The following ARID5B variants were observed in gnomAD, a reference collection of about 807,000 sequenced individuals.
The protein encoded by ARID5B is AT-rich interactive domain-containing protein 5B.
ARID5B carries 13 observed loss-of-function variants against 97.2 expected under a neutral mutation model. The ratio of observed to expected loss-of-function variants is 0.13; its 90% confidence interval spans 0.09 to 0.21. The LOEUF (loss-of-function observed/expected upper bound fraction) is 0.21, where lower values mean the gene tolerates loss of function less well. ARID5B is among the 10% of genes least tolerant of loss of function. The pLI is 1.00. For missense variants in ARID5B, 1,210 were observed against 1,465.3 expected (o/e 0.83, Z 2.84); for synonymous variants, 556 against 570.3 (o/e 0.97, Z 0.36).
At chr10:62,012,703 T>C (rs538611757) in intron 4 of ARID5B, among the ~76,000 whole-genome samples, 1 of 152,318 alleles carries the variant, frequency 6.6e-6, no homozygotes, top group African/African-American at 2.4e-5. Context: ...TTCCCTCCAG[T>C]CTTTTTCAAA....
intron 3 of ARID5B, among the ~76,000 whole-genome samples, chr10:61,940,953 A>G (rs1589227671): frequency 2.7e-4 from 2 of 7,390 alleles, no homozygotes; most frequent in African/African-American, 3.9e-4. Context: ...ATATATATAT[A>G]TATATATATA....
intron 2 of ARID5B, among the ~76,000 whole-genome samples, chr10:61,909,322 T>TG (rs1212435630): frequency 9.0e-4 from 122 of 134,826 alleles, no homozygotes; most frequent in Non-Finnish European, 1.2e-3. Context: ...CAGTGAGTTT[T>TG]TTTTTTTTTT....
chr10:61,930,644 C>T (rs980201973), intron 2 of ARID5B, among the ~76,000 whole-genome samples: 8 of 151,678 alleles, frequency 5.3e-5, no homozygotes, highest in Admixed American at 6.6e-5. Context: ...GGCGTGAACC[C>T]GGGAGGCAGA....
At chr10:62,087,392 T>G (rs569287108) in intron 9 of ARID5B, among the ~76,000 whole-genome samples, 1 of 151,584 alleles carries the variant, frequency 6.6e-6, no homozygotes, top group African/African-American at 2.4e-5. Flanking sequence ...TTATTATTTT[T>G]CATATTAACA....
chr10:62,048,625 T>TA (rs2132928040), intron 4 of ARID5B, among the ~76,000 whole-genome samples: 1 of 152,130 alleles, frequency 6.6e-6, no homozygotes, highest in East Asian at 1.9e-4. Context: ...GCTGGGGGAG[T>TA]ACATGTGCTT....
intron 3 of ARID5B, among the ~76,000 whole-genome samples, chr10:61,968,385 T>A (rs1838577636): frequency 6.6e-6 from 1 of 152,016 alleles, no homozygotes; most frequent in Admixed American, 6.6e-5. Context: ...CATAATCGTT[T>A]TTGCCTGATG....
At chr10:61,997,981 T>C (rs183961724) in intron 3 of ARID5B, among the ~76,000 whole-genome samples, 290 of 152,260 alleles carry the variant, frequency 1.9e-3, no homozygotes, top group Non-Finnish European at 2.9e-3. Flanking sequence ...CTAGTTTGCA[T>C]TGGGGGACTT....
At chr10:61,946,105 ATCC>A (rs1416868918) in intron 3 of ARID5B, among the ~76,000 whole-genome samples, 1 of 150,054 alleles carries the variant, frequency 6.7e-6, no homozygotes, top group East Asian at 1.9e-4. Context: ...ATAAACTTTT[ATCC>A]TCCTGAAAAT....
At chr10:62,066,850 T>C (rs1839996290) in intron 7 of ARID5B, among the ~76,000 whole-genome samples, 1 of 152,190 alleles carries the variant, frequency 6.6e-6, no homozygotes, top group African/African-American at 2.4e-5. Flanking sequence ...ACAATTTATA[T>C]TATTTTATTG....
In ARID5B at chr10:61,902,146, T is replaced by C. The variant is rs980469841; in HGVS notation, c.22-13T>C. On this transcript the variant is annotated splice_polypyrimidine_tract_variant and intron_variant, in intron 1 of 9. Coordinates refer to ENST00000279873, the MANE Select transcript of ARID5B (RefSeq NM_032199.3). ...CTACATTATTTATTTGGTGTTTTTT[T>C]CCCCCCCTGCAGTGGGTCGGCTCAC... 121 of 1,609,996 alleles carry C rather than the reference T, an allele frequency of 7.5e-5. 1 individual carries two copies. The highest frequency in any genetic ancestry group is 2.0e-4 in the South Asian group (18 of 90,936).
At chr10:61,931,703 T>C (rs1474850604) in intron 2 of ARID5B, among the ~76,000 whole-genome samples, 1 of 152,202 alleles carries the variant, frequency 6.6e-6, no homozygotes, top group African/African-American at 2.4e-5. Flanking sequence ...AAAAAGGACA[T>C]GCAGTTGGTG....
intron 4 of ARID5B, among the ~76,000 whole-genome samples, chr10:62,031,552 C>A (rs1411042626): frequency 6.6e-6 from 1 of 152,206 alleles, no homozygotes; most frequent in African/African-American, 2.4e-5. Flanking sequence ...AACCTCTTCA[C>A]TGTAGGTAAC....
chr10:61,940,938 TATATATATATA>T, intron 3 of ARID5B, among the ~76,000 whole-genome samples: 1 of 7,340 alleles, frequency 1.4e-4, no homozygotes, highest in Non-Finnish European at 6.2e-4. Flanking sequence ...TATATATATA[TATATATATATA>T]TATATATATA....
intron 2 of ARID5B, among the ~76,000 whole-genome samples, chr10:61,903,260 C>T (rs942548088): frequency 6.6e-5 from 10 of 151,780 alleles, no homozygotes; most frequent in African/African-American, 2.4e-4. Flanking sequence ...ACGGCGCTCC[C>T]GGGGAGGGCG....
At chr10:62,016,600 C>T (rs1367922034) in intron 4 of ARID5B, among the ~76,000 whole-genome samples, 1 of 152,162 alleles carries the variant, frequency 6.6e-6, no homozygotes, top group Non-Finnish European at 1.5e-5. Flanking sequence ...TTTTACCCTG[C>T]CCATAAGTCA....
intron 4 of ARID5B, among the ~76,000 whole-genome samples, chr10:62,027,285 C>CTTTTTTTTTTTTTT (rs777291593): frequency 3.0e-5 from 2 of 67,370 alleles, no homozygotes; most frequent in Non-Finnish European, 5.5e-5. Flanking sequence ...ACAGTATCTC[C>CTTTTTTTTTTTTTT]TTTTTTTTTT....
chr10:62,065,296 G>T (rs898489769), intron 7 of ARID5B, among the ~76,000 whole-genome samples: 2 of 152,258 alleles, frequency 1.3e-5, no homozygotes, highest in South Asian at 4.1e-4. Flanking sequence ...ATGGTTAATT[G>T]TGTGAAGTTA....
Position 61,911,781 on chromosome 10 carries a change from C to T in ARID5B, c.276+9368C>T, listed in dbSNP as rs78124727. Among the ~76,000 whole-genome samples the T allele has an allele frequency of 1.8e-4, 28 of 152,236 alleles. No individual in the cohort carries two copies. The East Asian group carries it at 4.8e-3, about 26-fold the overall frequency. ...GGGCAGAAGGGTGCCTTTGTCTTGC[C>T]GTCATTATTCCAATGCCCTTCGCCC... is the stretch of plus-strand genomic sequence containing the variant. On this transcript the variant is annotated intron_variant, in intron 2 of 9. Transcript: ENST00000279873.
chr10:62,072,545 G>A (rs1036496404), intron 8 of ARID5B, among the ~76,000 whole-genome samples: 6 of 152,198 alleles, frequency 3.9e-5, no homozygotes, highest in Non-Finnish European at 7.3e-5. Flanking sequence ...CATATGCAGA[G>A]CCCATTTTAT....
Sources: allele counts gnomAD v4.1 joint callset (sites outside exome capture counted in the v4.1 genomes callset), GRCh38; gene constraint gnomAD v4.1.1; transcripts MANE v1.5; gene names NCBI Gene and HGNC (gene_info 2026-07-23, HGNC 2026-07-21).